The following CACNA2D3 variants were observed in gnomAD, a reference collection of about 807,000 sequenced individuals.
CACNA2D3 encodes the protein voltage-dependent calcium channel subunit alpha-2/delta-3.
In CACNA2D3, 60 loss-of-function variants were observed where a neutral mutation model predicts 160.6. That is an observed-to-expected ratio of 0.37 (90% CI 0.30 to 0.46). CACNA2D3 has a LOEUF of 0.46. Among genes scored for constraint, CACNA2D3 ranks in the 20% least tolerant of loss-of-function variants. The probability of loss-of-function intolerance (pLI) is 1.00; values close to 1 mark genes in which losing one functional copy is unlikely to be tolerated. For synonymous variants in CACNA2D3, 558 were observed against 492.9 expected (o/e 1.13, Z -1.75); for missense variants, 1,205 against 1,365.0 (o/e 0.88, Z 1.85).
intron 2 of CACNA2D3, among the ~76,000 whole-genome samples, chr3:54,237,822 G>T (rs1273670044): frequency 1.3e-5 from 2 of 152,126 alleles, no homozygotes; most frequent in African/African-American, 4.8e-5. Context: ...TCAAAGTTAT[G>T]TGAGTTCCAC....
At chr3:55,067,716 G>GATAC (rs59985203) in intron 35 of CACNA2D3, among the ~76,000 whole-genome samples, 3,253 of 151,200 alleles carry the variant, frequency 0.022, 49 homozygotes, top group Middle Eastern at 0.034. Context: ...CCATGCATTA[G>GATAC]ATACATACAT....
chr3:54,300,443 T>G (rs1160899952), intron 2 of CACNA2D3, among the ~76,000 whole-genome samples: 4 of 152,266 alleles, frequency 2.6e-5, no homozygotes, highest in Non-Finnish European at 4.4e-5. Flanking sequence ...ATTTATTTTC[T>G]AATGCTCTAT....
intron 27 of CACNA2D3, among the ~76,000 whole-genome samples, chr3:54,924,173 T>C (rs1700941519): frequency 6.6e-6 from 1 of 152,150 alleles, no homozygotes; most frequent in South Asian, 2.1e-4. Flanking sequence ...GAAAGGACAA[T>C]TTTAGAAAAG....
intron 3 of CACNA2D3, among the ~76,000 whole-genome samples, chr3:54,368,742 C>A (rs772163302): frequency 8.1e-6 from 1 of 123,042 alleles, no homozygotes; most frequent in African/African-American, 2.9e-5. Context: ...CACTCTGTCA[C>A]CCAGGCTGTA....
intron 2 of CACNA2D3, among the ~76,000 whole-genome samples, chr3:54,169,597 C>G (rs1000804756): frequency 2.0e-5 from 3 of 152,076 alleles, no homozygotes; most frequent in Non-Finnish European, 4.4e-5. Flanking sequence ...AATGGTGACT[C>G]ATGCAATAAA....
At chr3:54,690,018 C>T (rs566637794) in intron 11 of CACNA2D3, among the ~76,000 whole-genome samples, 1 of 152,104 alleles carries the variant, frequency 6.6e-6, no homozygotes, top group Non-Finnish European at 1.5e-5. Flanking sequence ...GACAAGCAGG[C>T]ACTCTCCTGC....
chr3:54,662,428 A>G (rs116647027), intron 11 of CACNA2D3, among the ~76,000 whole-genome samples: 1,624 of 152,296 alleles, frequency 0.011, 14 homozygotes, highest in Non-Finnish European at 0.017. Context: ...AATACTGTGC[A>G]TGGCATTCAG....
chr3:54,553,522 T>G (rs1157318725), intron 5 of CACNA2D3, among the ~76,000 whole-genome samples: 1 of 152,216 alleles, frequency 6.6e-6, no homozygotes, highest in Non-Finnish European at 1.5e-5. Flanking sequence ...GGCAGGCATC[T>G]GCACAGGGGC....
At chr3:54,489,623 A>T (rs1463534334) in intron 4 of CACNA2D3, among the ~76,000 whole-genome samples, 1 of 152,206 alleles carries the variant, frequency 6.6e-6, no homozygotes, top group Non-Finnish European at 1.5e-5. Context: ...GTAGATAAGG[A>T]GCAGAGCTGG....
At chr3:55,062,424 A>G (rs1704536706) in intron 35 of CACNA2D3, among the ~76,000 whole-genome samples, 1 of 149,176 alleles carries the variant, frequency 6.7e-6, no homozygotes, top group Non-Finnish European at 1.5e-5. Flanking sequence ...GTATCTTCTC[A>G]TTTTCCATTG....
chr3:54,507,047 ATGTG>A (rs914908211), intron 5 of CACNA2D3, among the ~76,000 whole-genome samples: 2 of 152,190 alleles, frequency 1.3e-5, no homozygotes, highest in African/African-American at 4.8e-5. Context: ...CCTTATATGT[ATGTG>A]CATGTTTCTG....
At chr3:54,914,336 A>G (rs778760438) in intron 27 of CACNA2D3, among the ~76,000 whole-genome samples, 16 of 152,232 alleles carry the variant, frequency 1.1e-4, no homozygotes, top group Non-Finnish European at 1.8e-4. Flanking sequence ...GTCATGATCT[A>G]TTAGCAATGT....
At chr3:54,646,727 G>T (rs1164027178) in intron 11 of CACNA2D3, among the ~76,000 whole-genome samples, 1 of 152,150 alleles carries the variant, frequency 6.6e-6, no homozygotes, top group Non-Finnish European at 1.5e-5. Flanking sequence ...ACACATGCAT[G>T]TTATCTTTAT....
intron 35 of CACNA2D3, among the ~76,000 whole-genome samples, chr3:55,052,075 A>T (rs182973052): frequency 5.3e-5 from 8 of 151,324 alleles, no homozygotes; most frequent in Non-Finnish European, 1.2e-4. Context: ...TGCGTTGCTC[A>T]CTCTGGGAGC....
At chr3:54,257,636 G>A (rs1702323907) in intron 2 of CACNA2D3, among the ~76,000 whole-genome samples, 1 of 151,914 alleles carries the variant, frequency 6.6e-6, no homozygotes. Flanking sequence ...TTTTTCATCT[G>A]AAAAGCTTAT....
intron 2 of CACNA2D3, among the ~76,000 whole-genome samples, chr3:54,214,322 C>T (rs1269837341): frequency 2.0e-5 from 3 of 152,150 alleles, no homozygotes; most frequent in Non-Finnish European, 4.4e-5. Context: ...AGTACTTCCA[C>T]ATGCCATATT....
chr3:54,129,672 T>C (rs1182116853), intron 2 of CACNA2D3, among the ~76,000 whole-genome samples: 3 of 152,212 alleles, frequency 2.0e-5, no homozygotes, highest in Non-Finnish European at 4.4e-5. Flanking sequence ...AAAAGGACTG[T>C]TATGCATGTA....
At chr3:54,157,839 A>C (rs1868517) in intron 2 of CACNA2D3, among the ~76,000 whole-genome samples, 38 of 39,470 alleles carry the variant, frequency 9.6e-4, no homozygotes, top group Middle Eastern at 0.012. Flanking sequence ...ACCAAACAAA[A>C]AAAAAAAAAA....
chr3:54,675,245 C>T (rs1377221137), intron 11 of CACNA2D3, among the ~76,000 whole-genome samples: 1 of 152,128 alleles, frequency 6.6e-6, no homozygotes, highest in African/African-American at 2.4e-5. Context: ...CAAGGACAGA[C>T]AGACTTGGAC....
Sources: allele counts gnomAD v4.1 joint callset (sites outside exome capture counted in the v4.1 genomes callset), GRCh38; gene constraint gnomAD v4.1.1; transcripts MANE v1.5; gene names NCBI Gene and HGNC (gene_info 2026-07-23, HGNC 2026-07-21).